Variants in SPINK5 observed in about 807,000 individuals in gnomAD.
The protein encoded by SPINK5 is serine protease inhibitor Kazal-type 5.
A neutral mutation model predicts 151.8 loss-of-function variants in SPINK5; 125 were observed. The ratio of observed to expected loss-of-function variants is 0.82; its 90% CI spans 0.71 to 0.96. The LOEUF is 0.96. SPINK5 is among the 40% of genes least tolerant of loss of function. The probability of loss-of-function intolerance (pLI) is 0.00; values close to 1 mark genes in which losing one functional copy is unlikely to be tolerated. For synonymous variants in SPINK5, 374 were observed against 395.3 expected (o/e 0.95, Z 0.64); for missense variants, 1,194 against 1,291.9 (o/e 0.92, Z 1.16).
chr5:148,124,925 T>C lies in SPINK5; in HGVS notation c.2739+88T>C, dbSNP rs1012104633. On this transcript the variant is annotated intron_variant, in intron 28 of 32. Coordinates refer to ENST00000256084, the MANE Select transcript of SPINK5 (RefSeq NM_006846.4). The stretch of plus-strand genomic sequence containing the variant: ...TCTCCAGCTTTGGGAATAATAAATA[T>C]ATTAATATCTTAACTTCAAAGAAAA... 18 of 1,346,086 alleles carry C rather than the reference T, an allele frequency of 1.3e-5. 1 individual carries two copies. In the Admixed American group the frequency reaches 5.4e-4, roughly 40 times the overall value. The allele number at this position is 1,346,086 out of a possible 1,614,324, so 83.4% of individuals were successfully genotyped here. A position where few individuals can be genotyped will look rare whatever the true frequency, so the allele number is the denominator to read the frequency against.
intron 5 of SPINK5, among the ~76,000 whole-genome samples, chr5:148,087,923 T>C (rs1206511824): frequency 6.8e-6 from 1 of 146,028 alleles, no homozygotes; most frequent in Non-Finnish European, 1.5e-5. Flanking sequence ...TTTAAATATT[T>C]AGTTTTTTTC....
intron 26 of SPINK5, among the ~76,000 whole-genome samples, chr5:148,121,077 G>A (rs942658758): frequency 5.4e-5 from 5 of 92,546 alleles, no homozygotes; most frequent in African/African-American, 1.3e-4. Context: ...CCTGGGAGGC[G>A]AGCTTGCAGT....
chr5:148,077,047 A>C lies in SPINK5; in HGVS notation c.282+4827A>C, dbSNP rs545268055. Among the ~76,000 whole-genome samples the C allele has an allele frequency of 1.6e-4, 25 of 151,686 alleles. No homozygotes were observed. In the South Asian group the frequency reaches 1.7e-3, roughly 10 times the overall value. ...GAGGTGAGAGAAAAAGGAATACAAA[A>C]ATTATTTGAAGAAACAATGGCCTAA... On this transcript the variant is annotated intron_variant, in intron 4 of 32. Coordinates refer to ENST00000256084, the MANE Select transcript of SPINK5 (RefSeq NM_006846.4).
chr5:148,095,901 T>C lies in SPINK5; in HGVS notation c.878T>C (p.Ile293Thr), dbSNP rs763740210. The C allele has an allele frequency of 7.5e-6, 12 of 1,610,546 alleles. No individual in the cohort carries two copies. In the East Asian group the frequency reaches 2.5e-4, roughly 33 times the overall value. ...GAAAAAACTAAAGTTAAAAGAGAAA[T>C]TGTGGTGAGAATCAGTTTGATCAAT... ...AEEKTKVKREIVKLCSQYQNQ... is the reference protein window; with the variant it reads ...AEEKTKVKRETVKLCSQYQNQ... Residue 293 changes from isoleucine to threonine, a missense_variant, in exon 10 of 33, where the codon ATT (isoleucine) becomes ACT (threonine). Transcript: ENST00000256084.
intron 4 of SPINK5, among the ~76,000 whole-genome samples, chr5:148,085,091 G>T (rs1390531383): frequency 6.6e-6 from 1 of 151,704 alleles, no homozygotes; most frequent in Non-Finnish European, 1.5e-5. Flanking sequence ...ATGAATGAAT[G>T]AAATAACTTA....
intron 2 of SPINK5, among the ~76,000 whole-genome samples, chr5:148,066,613 C>T (rs73269141): frequency 0.033 from 5,041 of 151,814 alleles, 303 homozygotes; most frequent in African/African-American, 0.11. Context: ...GGGAGAGGTC[C>T]AGAAAGTTCA....
intron 30 of SPINK5, among the ~76,000 whole-genome samples, chr5:148,130,293 T>C (rs1312025347): frequency 6.6e-6 from 1 of 151,938 alleles, no homozygotes; most frequent in African/African-American, 2.4e-5. Flanking sequence ...CTTTGAGTCA[T>C]GAGTTATTTA....
chr5:148,082,068 G>A (rs150257389), intron 4 of SPINK5, among the ~76,000 whole-genome samples: 24 of 151,520 alleles, frequency 1.6e-4, no homozygotes, highest in African/African-American at 5.1e-4. Context: ...TGCTTTCATC[G>A]TATTAATGTC....
chr5:148,104,391 T>G (rs1438080873), intron 15 of SPINK5, among the ~76,000 whole-genome samples: 2 of 152,204 alleles, frequency 1.3e-5, no homozygotes, highest in Non-Finnish European at 2.9e-5. Flanking sequence ...AAAGTACTAT[T>G]GCAGTACATA....
chr5:148,123,457 T>TATATAAA, intron 26 of SPINK5, among the ~76,000 whole-genome samples: 1 of 29,904 alleles, frequency 3.3e-5, no homozygotes, highest in Non-Finnish European at 1.1e-4. Context: ...ATATATATAA[T>TATATAAA]CTTGTTATAT....
chr5:148,064,858 C>G (rs1752536982), intron 1 of SPINK5, among the ~76,000 whole-genome samples: 1 of 152,056 alleles, frequency 6.6e-6, no homozygotes, highest in Non-Finnish European at 1.5e-5. Context: ...TGTCAGATCT[C>G]TAACTTTTGC....
intron 18 of SPINK5, among the ~76,000 whole-genome samples, chr5:148,110,614 G>A (rs1753899056): frequency 6.6e-6 from 1 of 152,008 alleles, no homozygotes; most frequent in African/African-American, 2.4e-5. Flanking sequence ...TTCTATGGTT[G>A]CGATAACAAA....
At chr5:148,080,444 A>G (rs1232001429) in intron 4 of SPINK5, among the ~76,000 whole-genome samples, 4 of 151,354 alleles carry the variant, frequency 2.6e-5, no homozygotes, top group African/African-American at 9.7e-5. Context: ...CTGAATTTAA[A>G]TTTTGTTATA....
rs140445237 is a variant in SPINK5 at position 148,133,120 on chromosome 5, G to T, written c.3096-677G>T. ...AAAATATTAAGAAAGCATACCTCAG[G>T]ATAGTTTGTTTAGCTAAGGGAGCTG... On this transcript the variant is annotated intron_variant, in intron 31 of 32. Coordinates refer to ENST00000256084, the MANE Select transcript of SPINK5 (RefSeq NM_006846.4). Among the ~76,000 whole-genome samples, 392 of 152,258 alleles carry T rather than the reference G, an allele frequency of 2.6e-3. 3 individuals are homozygous for T. Among genetic ancestry groups the T allele is most frequent in the African/African-American group, 9.0e-3 (374 of 41,564 alleles).
chr5:148,089,047 G>A, intron 6 of SPINK5: 1 of 461,642 alleles, frequency 2.2e-6, no homozygotes, highest in South Asian at 1.5e-5. Context: ...GTAGGGGAAG[G>A]GGAAGGAAGA....
At chr5:148,128,757 T>TC (rs929595811) in intron 30 of SPINK5, among the ~76,000 whole-genome samples, 1 of 152,094 alleles carries the variant, frequency 6.6e-6, no homozygotes, top group African/African-American at 2.4e-5. Context: ...TCTCCTGACC[T>TC]CGTGATCCGC....
At chr5:148,075,357 A>C (rs941026224) in intron 4 of SPINK5, among the ~76,000 whole-genome samples, 2 of 151,004 alleles carry the variant, frequency 1.3e-5, no homozygotes, top group African/African-American at 4.9e-5. Flanking sequence ...AATATAAATA[A>C]ATTTCTGGAT....
At chr5:148,134,266 A>G (rs1189448485) in intron 32 of SPINK5, among the ~76,000 whole-genome samples, 1 of 152,148 alleles carries the variant, frequency 6.6e-6, no homozygotes, top group African/African-American at 2.4e-5. Context: ...TATAATGCCC[A>G]TATTCTTGAA....
In SPINK5 at chr5:148,118,598, A is replaced by G. The variant is rs201328644; in HGVS notation, c.2240+34A>G. On this transcript the variant is annotated intron_variant, in intron 23 of 32. Transcript: ENST00000256084. ...TTCTCTCAACAGGCATGTCTAAAAT[A>G]TAGTCACATTCCTCTTGAATGAATG... 1.5e-5 allele frequency: 24 copies of G among 1,612,574 alleles called. No homozygotes were observed. In the Admixed American group the frequency reaches 1.7e-4, roughly 11 times the overall value.
Sources: allele counts gnomAD v4.1 joint callset (sites outside exome capture counted in the v4.1 genomes callset), GRCh38; gene constraint gnomAD v4.1.1; transcripts MANE v1.5; gene names NCBI Gene and HGNC (gene_info 2026-07-23, HGNC 2026-07-21).